The following ITGB6 variants were observed in gnomAD, a reference collection of about 807,000 sequenced individuals.
ITGB6 encodes the protein integrin beta-6.
Under a neutral mutation model 84.5 loss-of-function variants are expected in ITGB6, and 80 were observed. The observed-to-expected ratio is 0.95, with a 90% CI of 0.79 to 1.14. The LOEUF (loss-of-function observed/expected upper bound fraction) is 1.14. ITGB6 is among the 50% of genes most tolerant of loss of function. The pLI, the probability that ITGB6 is intolerant of heterozygous loss-of-function variation, is 0.00. For synonymous variants in ITGB6, 383 were observed against 354.9 expected, an observed-to-expected ratio of 1.08 and a Z score of -0.89; for missense variants, 1,006 against 968.0, an observed-to-expected ratio of 1.04 and a Z score of -0.52.
At chr2:160,136,891 G>A (rs1272006265) in intron 10 of ITGB6, among the ~76,000 whole-genome samples, 4 of 151,572 alleles carry the variant, frequency 2.6e-5, no homozygotes, top group Non-Finnish European at 5.9e-5. Flanking sequence ...TCACACACTG[G>A]GGCCTGTTGT....
chr2:160,172,735 A>G lies in ITGB6; in HGVS notation c.760-5T>C. On this transcript the variant is annotated splice_polypyrimidine_tract_variant and splice_region_variant and intron_variant, in intron 5 of 14. Coordinates refer to ENST00000283249, the MANE Select transcript of ITGB6 (RefSeq NM_000888.5). ...ATTCCGCCAGCCAATTTTTTCCTAC[A>G]GTGAGAAAGAAACATTTGTGTGATA... 6.3e-7 allele frequency: 1 copy of G among 1,590,088 alleles called. No homozygotes were observed. The highest frequency in any genetic ancestry group is 8.6e-7 in the Non-Finnish European group (1 of 1,159,652).
At chr2:160,164,033 C>T (rs1684914488) in intron 7 of ITGB6, among the ~76,000 whole-genome samples, 2 of 152,246 alleles carry the variant, frequency 1.3e-5, no homozygotes, top group South Asian at 4.2e-4. Context: ...ATTTGCTGCT[C>T]CTTATAGGAA....
At chr2:160,172,817 G>T in intron 5 of ITGB6, 87 bp from the exon 6 acceptor site, 1 of 1,014,700 alleles carries the variant, frequency 9.9e-7, no homozygotes, top group Non-Finnish European at 1.5e-6. Flanking sequence ...ACACATTTAG[G>T]TTATAAAAAT....
chr2:160,180,278 C>G (rs1031442465), intron 4 of ITGB6, among the ~76,000 whole-genome samples: 2 of 152,094 alleles, frequency 1.3e-5, no homozygotes, highest in Non-Finnish European at 2.9e-5. Flanking sequence ...ATGAGCTACT[C>G]CAGAAAACAT....
intron 4 of ITGB6, among the ~76,000 whole-genome samples, chr2:160,179,506 G>A (rs1574127872): frequency 1.4e-5 from 2 of 147,624 alleles, no homozygotes; most frequent in East Asian, 2.0e-4. Flanking sequence ...TCAGCCTCCC[G>A]AGTAGCTGAG....
chr2:160,111,984 T>C, intron 13 of ITGB6, 96 bp downstream of exon 13: 1 of 1,268,616 alleles, frequency 7.9e-7, no homozygotes, highest in Non-Finnish European at 1.1e-6. Flanking sequence ...TTTGGAAATG[T>C]CTTTCCTGGC....
intron 4 of ITGB6, among the ~76,000 whole-genome samples, chr2:160,194,544 T>C (rs934102320): frequency 6.6e-5 from 10 of 152,146 alleles, no homozygotes; most frequent in African/African-American, 1.9e-4. Flanking sequence ...CAGAGCCTCT[T>C]ACTTCCTCTG....
intron 8 of ITGB6, among the ~76,000 whole-genome samples, chr2:160,140,401 G>A (rs1477592145): frequency 6.6e-6 from 1 of 152,236 alleles, no homozygotes; most frequent in African/African-American, 2.4e-5. Context: ...ACCTCTGGCA[G>A]AGCAAGCAGA....
intron 7 of ITGB6, among the ~76,000 whole-genome samples, chr2:160,162,896 G>A (rs1220049001): frequency 6.6e-6 from 1 of 152,212 alleles, no homozygotes; most frequent in Non-Finnish European, 1.5e-5. Context: ...TGGGATTACA[G>A]GCGTGAGCCA....
intron 7 of ITGB6, among the ~76,000 whole-genome samples, chr2:160,145,139 TA>T: frequency 6.6e-6 from 1 of 152,344 alleles, no homozygotes; most frequent in Non-Finnish European, 1.5e-5. Flanking sequence ...TGTTTAATGT[TA>T]GAAAAAGGAT....
chr2:160,174,908 A>G (rs1159666675), intron 4 of ITGB6, among the ~76,000 whole-genome samples: 1 of 152,236 alleles, frequency 6.6e-6, no homozygotes, highest in Non-Finnish European at 1.5e-5. Context: ...CTGGCCCAGC[A>G]TCATGAGCAT....
rs1394580162 is a variant in ITGB6, at chr2:160,107,849, C to T, written c.2102-4G>A. ...ATGTTTGGAGGCTTCGGACAATCTG[C>T]AGAAATAAAGAAAATTATAAGAAGG... On this transcript the variant is annotated splice_polypyrimidine_tract_variant and splice_region_variant and intron_variant, in intron 13 of 14. Coordinates refer to ENST00000283249, the MANE Select transcript of ITGB6 (RefSeq NM_000888.5). 13 of 1,569,472 alleles carry T rather than the reference C, an allele frequency of 8.3e-6. No individual in the cohort carries two copies. The highest frequency in any genetic ancestry group is 1.1e-5 in the Non-Finnish European group (13 of 1,152,418).
At position 160,107,686 on chromosome 2, in the gene ITGB6, C is replaced by A; in HGVS notation, c.2261G>T (p.Trp754Leu). The A allele has an allele frequency of 6.2e-7, 1 of 1,613,916 alleles. No homozygotes were observed. The highest frequency in any genetic ancestry group is 8.5e-7 in the Non-Finnish European group (1 of 1,179,856). ...CCCTAAGTTTCCACATACCGTTTGC[C>A]ACTTGGCTTTTGATCGTTCTGCTTC... is the stretch of plus-strand genomic sequence containing the variant. The part of the protein sequence containing the change: ...KFEAERSKAK[W>L]QTGTNPLYRG... The change falls in exon 14 of 15, where the codon TGG becomes TTG. Residue 754 changes from tryptophan to leucine, a missense_variant. Coordinates refer to ENST00000283249, the MANE Select transcript of ITGB6 (RefSeq NM_000888.5).
At position 160,123,826 on chromosome 2, in the gene ITGB6, C is replaced by T; in HGVS notation, c.1946G>A (p.Cys649Tyr). 6.2e-7 allele frequency: 1 copy of T among 1,613,992 alleles called. No individual in the cohort carries two copies. Among genetic ancestry groups the T allele is most frequent in the Non-Finnish European group, 8.5e-7 (1 of 1,179,932 alleles). Residue 649 changes from cysteine (C) to tyrosine (Y), a missense_variant, in exon 12 of 15, where the codon TGC (cysteine) becomes TAC (tyrosine). Physicochemically the swap from Cys to Tyr is radical, Grantham distance 194. Coordinates refer to ENST00000283249, the MANE Select transcript of ITGB6 (RefSeq NM_000888.5). ...ACTGATGGTCGCACCAGCTAGTTTGCACTTGTCCACACATTCTTCTCGGGC... is the reference window on the plus strand; with the variant it reads ...ACTGATGGTCGCACCAGCTAGTTTGTACTTGTCCACACATTCTTCTCGGGC... ...GQAREECVDK[C>Y]KLAGATISEE...
intron 4 of ITGB6, among the ~76,000 whole-genome samples, chr2:160,189,514 AC>A (rs1686049587): frequency 1.3e-5 from 2 of 152,220 alleles, no homozygotes; most frequent in Non-Finnish European, 2.9e-5. Context: ...CAAGAAAAAA[AC>A]AAACAACCCC....
chr2:160,135,640 C>T (rs1471028904), intron 10 of ITGB6, among the ~76,000 whole-genome samples: 1 of 151,482 alleles, frequency 6.6e-6, no homozygotes, highest in Non-Finnish European at 1.5e-5. Context: ...ATCATGCTAC[C>T]TGACTTCAAA....
intron 7 of ITGB6, among the ~76,000 whole-genome samples, chr2:160,156,047 T>C (rs1684610583): frequency 2.0e-5 from 3 of 152,218 alleles, no homozygotes; most frequent in Admixed American, 2.0e-4. Context: ...ATTCTACTCC[T>C]ATAGAAATGG....
intron 10 of ITGB6, among the ~76,000 whole-genome samples, chr2:160,129,998 A>G (rs6432602): frequency 0.67 from 101,477 of 151,846 alleles, 34,293 homozygotes; most frequent in Admixed American, 0.74. Context: ...AATATGTACC[A>G]AGAAATGCAT....
In ITGB6 at chr2:160,178,023, C is replaced by T. The variant is rs543877315; in HGVS notation, c.594-3884G>A. ...CCAAGTAGCTGGGATTACAGGCTCA[C>T]GCCACCATGCCCAGCTAAGTTTTGT... On this transcript the variant is annotated intron_variant, in intron 4 of 14. Transcript: ENST00000283249. 2.3e-3 allele frequency among the ~76,000 whole-genome samples: 346 copies of T among 152,190 alleles called. 1 individual carries two copies. The highest frequency in any genetic ancestry group is 3.2e-3 in the Non-Finnish European group (217 of 68,008).
Sources: allele counts gnomAD v4.1 joint callset (sites outside exome capture counted in the v4.1 genomes callset), GRCh38; gene constraint gnomAD v4.1.1; transcripts MANE v1.5; gene names NCBI Gene and HGNC (gene_info 2026-07-23, HGNC 2026-07-21).